The following MCMBP variants were observed in gnomAD, a reference collection of about 807,000 sequenced individuals.
MCMBP encodes mini-chromosome maintenance complex-binding protein.
MCMBP carries 31 observed loss-of-function variants against 81.3 expected under a neutral mutation model. The observed-to-expected ratio is 0.38, with a 90% confidence interval of 0.29 to 0.51. MCMBP has a LOEUF of 0.51. Ranked by LOEUF, MCMBP falls within the 20% of genes least tolerant of loss-of-function variation. The pLI, the probability that MCMBP is intolerant of heterozygous loss-of-function variation, is 0.87. For missense variants in MCMBP, 645 were observed against 772.1 expected (o/e 0.84, Z 1.95); for synonymous variants, 267 against 275.9 (o/e 0.97, Z 0.32).
At chr10:119,870,361 C>T (rs1039357640) in intron 1 of MCMBP, among the ~76,000 whole-genome samples, 1 of 151,884 alleles carries the variant, frequency 6.6e-6, no homozygotes, top group Non-Finnish European at 1.5e-5. Context: ...GCAGGAGAAT[C>T]GCTTCAACCC....
chr10:119,855,381 T>G (rs1433219919), intron 5 of MCMBP, among the ~76,000 whole-genome samples: 1 of 152,132 alleles, frequency 6.6e-6, no homozygotes, highest in Non-Finnish European at 1.5e-5. Context: ...TTTAAAAAGC[T>G]AGAAAAAGGG....
At chr10:119,842,221 TA>T (rs2134353487) in intron 10 of MCMBP, among the ~76,000 whole-genome samples, 1 of 152,302 alleles carries the variant, frequency 6.6e-6, no homozygotes, top group South Asian at 2.1e-4. Flanking sequence ...CCTTGGTGCC[TA>T]AAAGGTTGGG....
At chr10:119,836,757 GTTTTTTTTTTTT>G (rs199759464) in intron 13 of MCMBP, 127 bp downstream of exon 13, 195 of 296,900 alleles carry the variant, frequency 6.6e-4, no homozygotes, top group African/African-American at 2.8e-3. Context: ...AGCAGTCACA[GTTTTTTTTTTTT>G]TTTTTTTTTT....
intron 2 of MCMBP, 124 bp from the exon 3 acceptor site, chr10:119,859,305 C>T: frequency 4.1e-6 from 3 of 735,538 alleles, no homozygotes; most frequent in Non-Finnish European, 4.2e-6. Flanking sequence ...CACACACACA[C>T]CCATGCCACA....
rs760370680 is a variant in MCMBP at position 119,835,673 on chromosome 10, A to C, written c.1574T>G (p.Leu525Arg). The C allele has an allele frequency of 5.0e-6, 8 of 1,614,272 alleles. No homozygotes were observed. Among genetic ancestry groups the C allele is most frequent in the South Asian group, 3.3e-5 (3 of 91,086 alleles). The change falls in exon 14 of 16, where the codon CTA (leucine) becomes CGA (arginine). Residue 525 changes from leucine (L) to arginine (R), a missense_variant. Transcript: ENST00000369077. ...GTACTCCTCCATGTTTGGTGGAATT[A>C]GCTGGGGCTGTAAGTGAATCTGGCA... ...ADCQIHLQPQLIPPNMEEYMN... is the reference protein window; with the variant it reads ...ADCQIHLQPQRIPPNMEEYMN...
chr10:119,836,757 G>GTTT lies in MCMBP; in HGVS notation c.1542+136_1542+138dup, dbSNP rs199759464. The GTTT allele has an allele frequency of 1.3e-3, 395 of 296,914 alleles. 29 individuals carry two copies. Among genetic ancestry groups the GTTT allele is most frequent in the African/African-American group, 2.9e-3 (90 of 30,944 alleles). The allele number at this position is 296,914 out of a possible 1,614,324, so 18.4% of individuals were successfully genotyped here. ...ATTCCCTTAATGATCAGCAGTCACA[G>GTTT]TTTTTTTTTTTTTTTTTTTTTTTTT... On this transcript the variant is annotated intron_variant, in intron 13 of 15. Transcript: ENST00000369077.
At position 119,853,332 on chromosome 10, in the gene MCMBP, TTCCAGTTCTGGTCATGAGAA is replaced by T. The variant is rs1400339769; in HGVS notation, c.430-158_430-139del. 3 of 833,086 alleles carry T rather than the reference TTCCAGTTCTGGTCATGAGAA, an allele frequency of 3.6e-6. No homozygotes were observed. The East Asian group carries it at 8.0e-5, about 22-fold the overall frequency. The allele number at this position is 833,086 out of a possible 1,614,324, so 51.6% of individuals were successfully genotyped here. A position where few individuals can be genotyped will look rare whatever the true frequency, so the allele number is the denominator to read the frequency against. On this transcript the variant is annotated intron_variant, in intron 5 of 15. Transcript: ENST00000369077. ...GCATTTTCATAAAAGGAGGCTAGAC[TTCCAGTTCTGGTCATGAGAA>T]TAACAGGTATCAACCTTATGCTGCT... is the stretch of plus-strand genomic sequence containing the variant.
intron 11 of MCMBP, 58 bp downstream of exon 11, chr10:119,840,785 G>C: frequency 1.0e-6 from 1 of 973,052 alleles, no homozygotes; most frequent in Non-Finnish European, 1.5e-6. Context: ...ATGAAAGACA[G>C]TTAGATGGAT....
chr10:119,837,231 C>T (rs1165760553), intron 12 of MCMBP, among the ~76,000 whole-genome samples: 1 of 151,824 alleles, frequency 6.6e-6, no homozygotes, highest in Non-Finnish European at 1.5e-5. Flanking sequence ...TGGGGGCAGG[C>T]GATACCCCCG....
intron 1 of MCMBP, among the ~76,000 whole-genome samples, chr10:119,868,861 T>C (rs187745916): frequency 1.3e-5 from 2 of 152,188 alleles, no homozygotes; most frequent in East Asian, 3.9e-4. Flanking sequence ...AGACACAGGT[T>C]CAAAATTAAA....
intron 5 of MCMBP, among the ~76,000 whole-genome samples, chr10:119,855,682 A>T (rs1271247491): frequency 6.6e-6 from 1 of 152,210 alleles, no homozygotes; most frequent in Non-Finnish European, 1.5e-5. Context: ...CTAAAAAAAA[A>T]AGGCTAGAAA....
chr10:119,846,159 G>A (rs1852612938), intron 8 of MCMBP, among the ~76,000 whole-genome samples: 1 of 152,102 alleles, frequency 6.6e-6, no homozygotes, highest in Non-Finnish European at 1.5e-5. Context: ...AGCTTAATAT[G>A]CCAGAAAATA....
At chr10:119,854,044 T>C (rs374794919) in intron 5 of MCMBP, among the ~76,000 whole-genome samples, 36 of 148,438 alleles carry the variant, frequency 2.4e-4, no homozygotes, top group African/African-American at 5.3e-4. Context: ...TTTTTCCTTT[T>C]CTTTTTTTTT....
chr10:119,835,389 CAAAA>C, intron 14 of MCMBP, 147 bp downstream of exon 14: 2 of 710,130 alleles, frequency 2.8e-6, no homozygotes, highest in Non-Finnish European at 4.5e-6. Flanking sequence ...CTATTTCAAA[CAAAA>C]AGACAATAAT....
intron 5 of MCMBP, among the ~76,000 whole-genome samples, chr10:119,854,968 A>ATAAAATAAAAAT: frequency 7.5e-6 from 1 of 132,700 alleles, no homozygotes; most frequent in African/African-American, 2.9e-5. Context: ...AAAAAAAAAA[A>ATAAAATAAAAAT]AAAATAAAAT....
intron 8 of MCMBP, among the ~76,000 whole-genome samples, chr10:119,843,924 A>T (rs1852526304): frequency 6.6e-6 from 1 of 152,080 alleles, no homozygotes; most frequent in Non-Finnish European, 1.5e-5. Context: ...GGCCTCTCAA[A>T]GTGCTGGGAT....
rs961281732 is a variant in MCMBP at position 119,829,911 on chromosome 10, CATG to C, written c.*1560_*1562del. The C allele has an allele frequency of 6.6e-6, 1 of 152,472 alleles. No individual in the cohort carries two copies. The highest frequency in any genetic ancestry group is 2.4e-5 in the African/African-American group (1 of 41,452). 9.4% of individuals were successfully genotyped at this position (152,472 alleles called of 1,614,324 possible). On this transcript the variant is annotated 3_prime_UTR_variant, in exon 16 of 16. Transcript: ENST00000369077. The stretch of plus-strand genomic sequence containing the variant: ...ACAATTTACATTGGCACAAAAAACA[CATG>C]GTGACTAATGTACTTTGCTCTAGGA...
At chr10:119,859,006 T>A (rs1392695243) in intron 3 of MCMBP, 35 bp downstream of exon 3, 1 of 1,611,530 alleles carries the variant, frequency 6.2e-7, no homozygotes, top group Non-Finnish European at 8.5e-7. Flanking sequence ...AGGACAAAAT[T>A]AATACCACAA....
intron 2 of MCMBP, 113 bp downstream of exon 2, chr10:119,859,686 G>T: frequency 1.5e-6 from 1 of 656,594 alleles, no homozygotes. Context: ...ACTTGAAGCA[G>T]AAGTACATTA....
Sources: gnomAD v4.1 joint callset for allele counts (sites outside exome capture counted in the v4.1 genomes callset) on GRCh38, gnomAD v4.1.1 for gene constraint, MANE v1.5 for transcripts, NCBI Gene and HGNC (gene_info 2026-07-23, HGNC 2026-07-21) for gene names.